The following SPATA6L variants were observed in gnomAD, a reference collection of about 807,000 sequenced individuals.
SPATA6L encodes the protein spermatogenesis associated 6-like protein.
Under a neutral mutation model 49.2 loss-of-function variants are expected in SPATA6L, and 68 were observed. That is an observed-to-expected ratio of 1.38 (90% CI 1.14 to 1.69). The LOEUF (loss-of-function observed/expected upper bound fraction) is 1.69. Ranked by LOEUF, SPATA6L falls within the 40% of genes most tolerant of loss-of-function variation. The pLI, the probability that SPATA6L is intolerant of heterozygous loss-of-function variation, is 0.00. For missense variants in SPATA6L, 668 were observed against 464.3 expected (o/e 1.44, Z -4.03); for synonymous variants, 198 against 165.7 (o/e 1.19, Z -1.50).
intron 3 of SPATA6L, among the ~76,000 whole-genome samples, chr9:4,655,617 C>T (rs954293917): frequency 8.6e-5 from 13 of 151,166 alleles, no homozygotes; most frequent in African/African-American, 2.2e-4. Flanking sequence ...GGCACGATTT[C>T]GGCTCACTGT....
rs77544694 is a variant in SPATA6L, at chr9:4,637,243, C to G, written c.227-1844G>C. Among the ~76,000 whole-genome samples the G allele has an allele frequency of 1.6e-4, 24 of 152,132 alleles. No homozygotes were observed. In the East Asian group the frequency reaches 4.6e-3, roughly 29 times the overall value. ...TAACGGTTTTGCCTTATTGTTCTTC[C>G]TCCCTCTAAGGTTCCCTCTCTGGGT... is the stretch of plus-strand genomic sequence containing the variant. On this transcript the variant is annotated intron_variant, in intron 3 of 11. Transcript: ENST00000682582.
At chr9:4,646,302 T>C in intron 3 of SPATA6L, 1 of 394,218 alleles carries the variant, frequency 2.5e-6, no homozygotes, top group South Asian at 1.0e-4. Context: ...AAAGTTATTA[T>C]TCTGAAAATA....
chr9:4,593,997 G>C (rs1226927099), downstream of SPATA6L, among the ~76,000 whole-genome samples: 1 of 152,154 alleles, frequency 6.6e-6, no homozygotes, highest in Admixed American at 6.5e-5. Flanking sequence ...TCTCTATGCA[G>C]ATGATTAACA....
At chr9:4,616,404 G>A (rs970123715) in intron 9 of SPATA6L, among the ~76,000 whole-genome samples, 6 of 152,170 alleles carry the variant, frequency 3.9e-5, no homozygotes, top group African/African-American at 7.2e-5. Context: ...AGTTCTTTCC[G>A]TTCTTCATTT....
intron 13 of SPATA6L, among the ~76,000 whole-genome samples, chr9:4,592,361 T>G (rs1821962260): frequency 6.6e-6 from 1 of 151,708 alleles, no homozygotes; most frequent in African/African-American, 2.4e-5. Flanking sequence ...TTTTATTTAC[T>G]CAGCAGACGT....
chr9:4,629,749 T>A (rs1050320829), intron 4 of SPATA6L, among the ~76,000 whole-genome samples: 1 of 124,076 alleles, frequency 8.1e-6, no homozygotes. Flanking sequence ...ATATTGTGTT[T>A]TATATATGTG....
downstream of SPATA6L, among the ~76,000 whole-genome samples, chr9:4,597,602 CA>C (rs1347736835): frequency 1.3e-5 from 2 of 152,156 alleles, no homozygotes; most frequent in African/African-American, 2.4e-5. Context: ...CTTTGATAAA[CA>C]AAGTAACTTC....
intron 7 of SPATA6L, among the ~76,000 whole-genome samples, chr9:4,621,528 G>T (rs796122002): frequency 8.7e-5 from 13 of 150,256 alleles, no homozygotes; most frequent in African/African-American, 2.9e-4. Flanking sequence ...CACTCTTGTT[G>T]CCCAGGCTGA....
In SPATA6L at chr9:4,625,254, A is replaced by T. The variant is rs1812811493; in HGVS notation, c.669+73T>A. ...TATTATTCATTTGTTGTTATAACTC[A>T]ACCTTCCTTTCTTCCACCCTCATCC... On this transcript the variant is annotated intron_variant, in intron 6 of 11. Coordinates refer to ENST00000682582, the MANE Select transcript of SPATA6L (RefSeq NM_001353486.2). 2.6e-6 allele frequency: 4 copies of T among 1,516,610 alleles called. No homozygotes were observed. The Admixed American group carries it at 9.1e-5, about 35-fold the overall frequency. The allele number at this position is 1,516,610 out of a possible 1,614,324, so 93.9% of individuals were successfully genotyped here.
chr9:4,621,111 G>A (rs2130394638), intron 7 of SPATA6L, among the ~76,000 whole-genome samples: 1 of 152,312 alleles, frequency 6.6e-6, no homozygotes, highest in South Asian at 2.1e-4. Context: ...GATGGCAACA[G>A]ATAGAAAGTC....
At chr9:4,592,148 C>G (rs945860803) in intron 13 of SPATA6L, among the ~76,000 whole-genome samples, 5 of 151,982 alleles carry the variant, frequency 3.3e-5, no homozygotes, top group Non-Finnish European at 7.4e-5. Context: ...AACCCTGTCT[C>G]TACTAAAAAT....
At chr9:4,646,338 A>G in intron 3 of SPATA6L, 2 of 432,574 alleles carry the variant, frequency 4.6e-6, no homozygotes. Flanking sequence ...ATTGGCAGAA[A>G]AAAGGCATGT....
downstream of SPATA6L, among the ~76,000 whole-genome samples, chr9:4,597,739 T>A (rs745889560): frequency 2.0e-5 from 3 of 152,142 alleles, no homozygotes; most frequent in Non-Finnish European, 4.4e-5. Flanking sequence ...AGAAGAGGTC[T>A]CCCTAAGACC....
At chr9:4,622,551 G>A (rs777672453) in intron 6 of SPATA6L, 41 bp from the exon 7 acceptor site, 1 of 1,350,390 alleles carries the variant, frequency 7.4e-7, no homozygotes. Flanking sequence ...ATCCACTATA[G>A]CTTCTAGTAC....
downstream of SPATA6L, among the ~76,000 whole-genome samples, chr9:4,593,985 C>T (rs1251232370): frequency 6.6e-6 from 1 of 152,170 alleles, no homozygotes; most frequent in Non-Finnish European, 1.5e-5. Flanking sequence ...ATTCCACTAC[C>T]ATCTCTATGC....
At chr9:4,637,084 T>C (rs992679269) in intron 3 of SPATA6L, among the ~76,000 whole-genome samples, 3 of 152,194 alleles carry the variant, frequency 2.0e-5, no homozygotes, top group Non-Finnish European at 4.4e-5. Flanking sequence ...TACCCTAGAT[T>C]TCAAGACTCT....
Position 4,599,263 on chromosome 9 carries a change from T to A in SPATA6L, c.*1548A>T, listed in dbSNP as rs1469596529. On this transcript the variant is annotated 3_prime_UTR_variant, in exon 12 of 12. Transcript: ENST00000682582. ...GTTTTGGATTTTGGAGCATTTCAGA[T>A]TTCAGATTTTTAGATTGGGAGGTTC... 6.6e-6 allele frequency among the ~76,000 whole-genome samples: 1 copy of A among 152,250 alleles called. No homozygotes were observed. Among genetic ancestry groups the A allele is most frequent in the African/African-American group, 2.4e-5 (1 of 41,464 alleles).
At chr9:4,611,705 G>A (rs1472573098) in intron 9 of SPATA6L, among the ~76,000 whole-genome samples, 2 of 150,594 alleles carry the variant, frequency 1.3e-5, no homozygotes, top group Non-Finnish European at 3.0e-5. Flanking sequence ...GCTAGATGAC[G>A]AGTTAGTGGG....
intron 9 of SPATA6L, 126 bp downstream of exon 9, chr9:4,617,797 T>G (rs1564171115): frequency 1.3e-6 from 1 of 744,186 alleles, no homozygotes; most frequent in Non-Finnish European, 2.0e-6. Flanking sequence ...GAAATAATCA[T>G]TTTTTCATAT....
Sources: gnomAD v4.1 joint callset for allele counts (sites outside exome capture counted in the v4.1 genomes callset) on GRCh38, gnomAD v4.1.1 for gene constraint, MANE v1.5 for transcripts, NCBI Gene and HGNC (gene_info 2026-07-23, HGNC 2026-07-21) for gene names.